The following CUX2 variants were observed in gnomAD, a reference collection of about 807,000 sequenced individuals.
CUX2 encodes the protein cut like homeobox 2.
CUX2 carries 40 observed loss-of-function variants against 144.8 expected under a neutral mutation model. The ratio of observed to expected loss-of-function variants is 0.28; its 90% CI spans 0.21 to 0.36. The LOEUF (loss-of-function observed/expected upper bound fraction) is 0.36. Ranked by LOEUF, CUX2 falls within the 10% of genes least tolerant of loss-of-function variation. The probability of loss-of-function intolerance (pLI) is 1.00; values close to 1 mark genes in which losing one functional copy is unlikely to be tolerated. For missense variants in CUX2, 1,615 were observed against 1,994.0 expected, an observed-to-expected ratio of 0.81 and a Z score of 3.62; for synonymous variants, 827 against 875.6, an observed-to-expected ratio of 0.94 and a Z score of 0.98.
intron 3 of CUX2, among the ~76,000 whole-genome samples, chr12:111,227,822 T>G (rs1022758847): frequency 6.6e-6 from 1 of 152,160 alleles, no homozygotes; most frequent in African/African-American, 2.4e-5. Context: ...GAGACCTTTA[T>G]TTCGCAGCAT....
intron 1 of CUX2, among the ~76,000 whole-genome samples, chr12:111,191,742 C>A (rs1256669088): frequency 6.6e-6 from 1 of 152,204 alleles, no homozygotes; most frequent in East Asian, 1.9e-4. Flanking sequence ...GGCCTTTGGA[C>A]CTGCTGTTCC....
At chr12:111,056,268 C>A (rs1396143646) in intron 1 of CUX2, among the ~76,000 whole-genome samples, 1 of 152,178 alleles carries the variant, frequency 6.6e-6, no homozygotes, top group Non-Finnish European at 1.5e-5. Context: ...GGTAGCAAGC[C>A]ACCCCAAACT....
intron 1 of CUX2, among the ~76,000 whole-genome samples, chr12:111,088,594 T>C (rs918902666): frequency 4.6e-5 from 7 of 152,198 alleles, no homozygotes; most frequent in Non-Finnish European, 7.3e-5. Context: ...CTAGTCTTCA[T>C]AGGAGCCCTG....
chr12:111,327,846 C>G (rs1887890627), intron 18 of CUX2, among the ~76,000 whole-genome samples: 1 of 152,100 alleles, frequency 6.6e-6, no homozygotes, highest in Non-Finnish European at 1.5e-5. Flanking sequence ...CACTTGAGGT[C>G]AGGAGTTTGA....
At position 111,320,579 on chromosome 12, in the gene CUX2, C is replaced by G; in HGVS notation, c.2570C>G (p.Ala857Gly). The change falls in exon 17 of 22, where the codon GCG (alanine) becomes GGG (glycine). Residue 857 changes from alanine (A) to glycine (G), a missense_variant. Physicochemically the swap from Ala to Gly is moderately conservative, Grantham distance 60. This residue lies in a region of CUX2 where 390 missense variants were observed against 387.1 expected (regional missense o/e 1.01). Transcript: ENST00000261726. This position sits in a 1 kb window ranked among gnomAD's most constrained non-coding sequence, Gnocchi z 8.1. ...ACGGGCGAGCTCAAGGCTGAGGGCG[C>G]GACGGCCGAGGCGGGCGCGCGGCTG... ...PRTGELKAEG[A>G]TAEAGARLPY... 1 of 1,530,386 alleles carries G rather than the reference C, an allele frequency of 6.5e-7. No homozygotes were observed. The highest frequency in any genetic ancestry group is 8.7e-7 in the Non-Finnish European group (1 of 1,146,998). 94.8% of individuals were successfully genotyped at this position (1,530,386 alleles called of 1,614,324 possible). A position where few individuals can be genotyped will look rare whatever the true frequency, so the allele number is the denominator to read the frequency against.
chr12:111,149,494 C>G (rs949227123), intron 1 of CUX2, among the ~76,000 whole-genome samples: 1 of 152,138 alleles, frequency 6.6e-6, no homozygotes, highest in African/African-American at 2.4e-5. Flanking sequence ...CCACTAGATG[C>G]CAGTAGCACA....
rs1160763856 is a variant in CUX2, at chr12:111,061,715, A to T, written c.63+27475A>T. The stretch of plus-strand genomic sequence containing the variant: ...CGATGTTCTGTGAAGTGAGTGGGTC[A>T]CTCTCCCCTCAGCCTGGCCCTGGCC... On this transcript the variant is annotated intron_variant, in intron 1 of 21. Transcript: ENST00000261726. The surrounding 1 kb of genome is among the most constrained non-coding windows in gnomAD (Gnocchi z 4.2). 2.6e-5 allele frequency among the ~76,000 whole-genome samples: 4 copies of T among 151,026 alleles called. No individual in the cohort carries two copies. The East Asian group carries it at 7.8e-4, about 30-fold the overall frequency.
At chr12:111,129,617 C>T (rs1341715492) in intron 1 of CUX2, among the ~76,000 whole-genome samples, 1 of 152,234 alleles carries the variant, frequency 6.6e-6, no homozygotes, top group South Asian at 2.1e-4. Flanking sequence ...TAGGCCAGAT[C>T]GGCAAGTTGA....
At chr12:111,251,088 C>T (rs756755850) in intron 3 of CUX2, among the ~76,000 whole-genome samples, 1 of 152,138 alleles carries the variant, frequency 6.6e-6, no homozygotes, top group African/African-American at 2.4e-5. Context: ...CAGGAGCCCT[C>T]GGAAGAGAAG....
chr12:111,222,599 G>A (rs1308452190), intron 3 of CUX2, among the ~76,000 whole-genome samples: 1 of 152,202 alleles, frequency 6.6e-6, no homozygotes, highest in Admixed American at 6.5e-5. Flanking sequence ...CCTGTGGTCT[G>A]AGCCCCACCC....
At chr12:111,261,987 C>T (rs908117974) in intron 3 of CUX2, among the ~76,000 whole-genome samples, 2 of 152,160 alleles carry the variant, frequency 1.3e-5, no homozygotes, top group Non-Finnish European at 2.9e-5. Flanking sequence ...GCTTCTAGAA[C>T]TTTTTTTCTG....
rs1047751534 is a variant in CUX2, at chr12:111,255,550, A to G, written c.223-8211A>G. 1.3e-5 allele frequency among the ~76,000 whole-genome samples: 2 copies of G among 152,074 alleles called. No homozygotes were observed. Among genetic ancestry groups the G allele is most frequent in the African/African-American group, 4.8e-5 (2 of 41,404 alleles). ...TTCCAGGTGCTTCCACCAGCCCCCA[A>G]CCAAAGAATCGATTCTGAGTGGAGG... is the stretch of plus-strand genomic sequence containing the variant. On this transcript the variant is annotated intron_variant, in intron 3 of 21. Transcript: ENST00000261726. This position sits in a 1 kb window ranked among gnomAD's most constrained non-coding sequence, Gnocchi z 4.1.
rs1347594153 is a variant in CUX2 at position 111,289,545 on chromosome 12, A to T, written c.302-1873A>T. Among the ~76,000 whole-genome samples the T allele has an allele frequency of 6.6e-6, 1 of 152,094 alleles. No homozygotes were observed. The highest frequency in any genetic ancestry group is 1.5e-5 in the Non-Finnish European group (1 of 68,014). Reference sequence around the variant, plus strand: ...CCACATTTCTTAGTCCCTGCCCTAGATGGGGACTTGGGGAAAGTGTCCTGG... The same window carrying T: ...CCACATTTCTTAGTCCCTGCCCTAGTTGGGGACTTGGGGAAAGTGTCCTGG... On this transcript the variant is annotated intron_variant, in intron 4 of 21. Coordinates refer to ENST00000261726, the MANE Select transcript of CUX2 (RefSeq NM_015267.4). This position sits in a 1 kb window ranked among gnomAD's most constrained non-coding sequence, Gnocchi z 4.1.
At chr12:111,095,078 C>T (rs933671702) in intron 1 of CUX2, among the ~76,000 whole-genome samples, 2 of 152,160 alleles carry the variant, frequency 1.3e-5, no homozygotes, top group African/African-American at 4.8e-5. Context: ...TCAGTCTGCC[C>T]AGCACCAGAT....
At chr12:111,075,133 A>G (rs1452294466) in intron 1 of CUX2, among the ~76,000 whole-genome samples, 2 of 140,530 alleles carry the variant, frequency 1.4e-5, no homozygotes, top group East Asian at 4.8e-4. Flanking sequence ...TGCTCACAGG[A>G]GCAGCCGCTC....
At chr12:111,045,417 C>T (rs943806509) in intron 1 of CUX2, among the ~76,000 whole-genome samples, 2 of 152,158 alleles carry the variant, frequency 1.3e-5, no homozygotes, top group African/African-American at 4.8e-5. Context: ...CAGAACAAAA[C>T]AGACCAAGTC....
At chr12:111,058,403 A>T (rs1720693472) in intron 1 of CUX2, among the ~76,000 whole-genome samples, 1 of 152,258 alleles carries the variant, frequency 6.6e-6, no homozygotes. Flanking sequence ...CATCAACTTC[A>T]CACAAGTGTG....
chr12:111,057,139 C>T lies in CUX2; in HGVS notation c.63+22899C>T, dbSNP rs916519997. Among the ~76,000 whole-genome samples, 3 of 151,480 alleles carry T rather than the reference C, an allele frequency of 2.0e-5. No homozygotes were observed. Among genetic ancestry groups the T allele is most frequent in the East Asian group, 1.9e-4 (1 of 5,182 alleles). The stretch of plus-strand genomic sequence containing the variant: ...AATGGCCAAGCTGCAATGGTTGTGA[C>T]GGGAGGTTGTGTGACGAGAGTGAGT... On this transcript the variant is annotated intron_variant, in intron 1 of 21. Transcript: ENST00000261726. The surrounding 1 kb of genome is among the most constrained non-coding windows in gnomAD (Gnocchi z 5.1).
intron 3 of CUX2, among the ~76,000 whole-genome samples, chr12:111,249,451 T>TG (rs1349662189): frequency 7.0e-6 from 1 of 143,792 alleles, no homozygotes; most frequent in Non-Finnish European, 1.5e-5. Context: ...TTTTGTTTTT[T>TG]TTTTTTTTTT....
Sources: allele counts gnomAD v4.1 joint callset (sites outside exome capture counted in the v4.1 genomes callset), GRCh38; gene constraint gnomAD v4.1.1; regional missense constraint gnomAD v4.1.1; non-coding constraint Gnocchi (gnomAD v3.1); transcripts MANE v1.5; gene names NCBI Gene and HGNC (gene_info 2026-07-23, HGNC 2026-07-21).